Variants in CYTH1 observed in about 807,000 individuals in gnomAD.
CYTH1 encodes the protein cytohesin 1, also known as cytohesin-1.
In CYTH1, 18 loss-of-function variants were observed where a neutral mutation model predicts 61.8. That is an observed-to-expected ratio of 0.29 (90% CI 0.20 to 0.43). The LOEUF is 0.43. CYTH1 is among the 20% of genes least tolerant of loss of function. The probability of loss-of-function intolerance (pLI) is 1.00; values close to 1 mark genes in which losing one functional copy is unlikely to be tolerated. For synonymous variants in CYTH1, 174 were observed against 184.3 expected (o/e 0.94, Z 0.45); for missense variants, 336 against 510.5 (o/e 0.66, Z 3.29).
At position 78,700,471 on chromosome 17, in the gene CYTH1, G is replaced by C; in HGVS notation, c.438-28C>G. The C allele has an allele frequency of 1.3e-6, 2 of 1,549,954 alleles. No individual in the cohort carries two copies. Among genetic ancestry groups the C allele is most frequent in the Non-Finnish European group, 1.7e-6 (2 of 1,144,336 alleles). ...GAGTGGGTAAAGACAGAGTGTTCCA[G>C]AACTTGGGGAGGCAATTTATTTCTC... is the stretch of plus-strand genomic sequence containing the variant. On this transcript the variant is annotated intron_variant, in intron 6 of 13. Coordinates refer to ENST00000446868, the MANE Select transcript of CYTH1 (RefSeq NM_004762.6). The surrounding 1 kb of genome is among the most constrained non-coding windows in gnomAD (Gnocchi z 5.1).
intron 1 of CYTH1, among the ~76,000 whole-genome samples, chr17:78,727,457 A>C (rs1345931157): frequency 2.0e-5 from 3 of 152,230 alleles, no homozygotes; most frequent in Non-Finnish European, 2.9e-5. Flanking sequence ...GTCCTTGAAG[A>C]TCTCTTGAAA....
chr17:78,740,001 T>C (rs909864706), intron 1 of CYTH1, among the ~76,000 whole-genome samples: 1 of 152,170 alleles, frequency 6.6e-6, no homozygotes, highest in Non-Finnish European at 1.5e-5. Context: ...AGTGGCGCGA[T>C]CTCGGCTCAC....
chr17:78,690,834 A>C (rs1353830896), intron 11 of CYTH1, among the ~76,000 whole-genome samples: 1 of 152,258 alleles, frequency 6.6e-6, no homozygotes, highest in Non-Finnish European at 1.5e-5. Flanking sequence ...AGATTCTAGA[A>C]TCTCGTAGCA....
chr17:78,775,927 G>A (rs560618458), intron 1 of CYTH1, among the ~76,000 whole-genome samples: 1 of 152,228 alleles, frequency 6.6e-6, no homozygotes, highest in East Asian at 1.9e-4. Flanking sequence ...GGCTGAAGTG[G>A]GCAAATCACC....
chr17:78,725,257 C>T (rs760133925), intron 1 of CYTH1, among the ~76,000 whole-genome samples: 10 of 152,188 alleles, frequency 6.6e-5, no homozygotes, highest in Non-Finnish European at 1.5e-4. Flanking sequence ...GCTCCCTGCT[C>T]AGTTTACCCA....
At chr17:78,692,965 G>A (rs763322115) in intron 10 of CYTH1, among the ~76,000 whole-genome samples, 4 of 152,146 alleles carry the variant, frequency 2.6e-5, no homozygotes, top group Non-Finnish European at 5.9e-5. Context: ...GAGGGGAGAT[G>A]CTGGGAGCCT....
At chr17:78,715,179 G>A (rs1465165567) in intron 1 of CYTH1, among the ~76,000 whole-genome samples, 2 of 152,176 alleles carry the variant, frequency 1.3e-5, no homozygotes, top group African/African-American at 4.8e-5. Context: ...CAGAGGTTAA[G>A]GAGAGTGATT....
chr17:78,771,295 C>G (rs2093470443), intron 1 of CYTH1, among the ~76,000 whole-genome samples: 1 of 152,026 alleles, frequency 6.6e-6, no homozygotes, highest in Admixed American at 6.5e-5. Context: ...TAAAAATAAG[C>G]CAGGTACAGT....
chr17:78,678,660 T>C (rs904627577), intron 13 of CYTH1, among the ~76,000 whole-genome samples: 1 of 152,164 alleles, frequency 6.6e-6, no homozygotes, highest in Non-Finnish European at 1.5e-5. Context: ...CCATTACTGG[T>C]AGGGGACTCT....
At chr17:78,710,347 T>A (rs2093116138) in intron 1 of CYTH1, among the ~76,000 whole-genome samples, 1 of 152,230 alleles carries the variant, frequency 6.6e-6, no homozygotes, top group Admixed American at 6.5e-5. Context: ...ATACCTTTCT[T>A]CATTGTTTCG....
chr17:78,730,268 T>G (rs9893997), intron 1 of CYTH1, among the ~76,000 whole-genome samples: 129,334 of 151,260 alleles, frequency 0.86, 55,448 homozygotes, highest in Middle Eastern at 0.89. Context: ...TCTCACGCCT[T>G]TAATCCCAGC....
chr17:78,762,293 C>G (rs138504816), intron 1 of CYTH1, among the ~76,000 whole-genome samples: 1 of 152,126 alleles, frequency 6.6e-6, no homozygotes, highest in Non-Finnish European at 1.5e-5. Flanking sequence ...GTGGAAAGGG[C>G]GGCTTTTTTG....
At chr17:78,696,955 T>C (rs1344645892) in intron 9 of CYTH1, among the ~76,000 whole-genome samples, 1 of 152,204 alleles carries the variant, frequency 6.6e-6, no homozygotes, top group Non-Finnish European at 1.5e-5. Context: ...TTTTAGAGCC[T>C]TAACTTCAAA....
intron 1 of CYTH1, among the ~76,000 whole-genome samples, chr17:78,742,436 T>A (rs187178098): frequency 6.6e-6 from 1 of 151,266 alleles, no homozygotes; most frequent in Non-Finnish European, 1.5e-5. Flanking sequence ...GTGGCACATG[T>A]CTGTGGTCCC....
rs2093195621 is a variant in CYTH1 at position 78,717,905 on chromosome 17, T to TACAAAAAAAAAA, written c.23-8174_23-8173insTTTTTTTTTTGT. On this transcript the variant is annotated intron_variant, in intron 1 of 13. Transcript: ENST00000446868. The surrounding 1 kb of genome is among the most constrained non-coding windows in gnomAD (Gnocchi z 4.4). ...TCTGCCTAGCTTTCAAATACATCAC[T>TACAAAAAAAAAA]TGCCTTATTTTTTTCCACTATAATG... 6.6e-6 allele frequency among the ~76,000 whole-genome samples: 1 copy of TACAAAAAAAAAA among 152,116 alleles called. No homozygotes were observed. Among genetic ancestry groups the TACAAAAAAAAAA allele is most frequent in the Non-Finnish European group, 1.5e-5 (1 of 68,030 alleles).
At chr17:78,689,785 G>T (rs2092858733) in intron 11 of CYTH1, among the ~76,000 whole-genome samples, 2 of 152,078 alleles carry the variant, frequency 1.3e-5, no homozygotes, top group South Asian at 4.1e-4. Context: ...TTTCACCAAT[G>T]TCCACCCAGC....
At chr17:78,764,701 T>C (rs1453420293) in intron 1 of CYTH1, among the ~76,000 whole-genome samples, 2 of 152,128 alleles carry the variant, frequency 1.3e-5, no homozygotes, top group African/African-American at 4.8e-5. Context: ...GCAATTTCAG[T>C]GACCTTTGTT....
rs561788426 is a variant in CYTH1 at position 78,726,408 on chromosome 17, C to T, written c.23-16676G>A. Among the ~76,000 whole-genome samples, 55 of 150,490 alleles carry T rather than the reference C, an allele frequency of 3.7e-4. 1 individual carries two copies. The Middle Eastern group carries it at 0.01, about 28-fold the overall frequency. Reference sequence around the variant, plus strand: ...CCCTGTCAGTTACTGTGGAAGAGGCCCCCTGTCAGTTACTGTGGAAGACAC... The same window carrying T: ...CCCTGTCAGTTACTGTGGAAGAGGCTCCCTGTCAGTTACTGTGGAAGACAC... On this transcript the variant is annotated intron_variant, in intron 1 of 13. Coordinates refer to ENST00000446868, the MANE Select transcript of CYTH1 (RefSeq NM_004762.6).
At chr17:78,689,879 C>A (rs942668089) in intron 11 of CYTH1, among the ~76,000 whole-genome samples, 1 of 152,002 alleles carries the variant, frequency 6.6e-6, no homozygotes, top group African/African-American at 2.4e-5. Context: ...GAGAAACCAG[C>A]GAGACTGCCG....
Sources: allele counts gnomAD v4.1 joint callset (sites outside exome capture counted in the v4.1 genomes callset), GRCh38; gene constraint gnomAD v4.1.1; non-coding constraint Gnocchi (gnomAD v3.1); transcripts MANE v1.5; gene names NCBI Gene and HGNC (gene_info 2026-07-23, HGNC 2026-07-21).